CDHR2: variants seen among roughly 807,000 people sequenced by gnomAD.
CDHR2 encodes the protein cadherin related family member 2, also known as cadherin-related family member 2.
In CDHR2, 104 loss-of-function variants were observed where a neutral mutation model predicts 138.6. The observed-to-expected ratio is 0.75, with a 90% CI of 0.64 to 0.88. The LOEUF (loss-of-function observed/expected upper bound fraction) is 0.88, where lower values mean the gene tolerates loss of function less well. Among genes scored for constraint, CDHR2 ranks in the 40% least tolerant of loss-of-function variants. CDHR2 has a pLI of 0.00. For synonymous variants in CDHR2, 755 were observed against 742.8 expected, an observed-to-expected ratio of 1.02 and a Z score of -0.27; for missense variants, 1,624 against 1,727.6, an observed-to-expected ratio of 0.94 and a Z score of 1.06.
At chr5:176,563,405 G>T (rs189050626) in intron 1 of CDHR2, among the ~76,000 whole-genome samples, 33 of 152,158 alleles carry the variant, frequency 2.2e-4, no homozygotes, top group African/African-American at 7.7e-4. Flanking sequence ...GGCTCAGTTC[G>T]TCAGCAGCTG....
intron 1 of CDHR2, among the ~76,000 whole-genome samples, chr5:176,551,651 AG>A (rs1476330255): frequency 3.3e-5 from 5 of 150,602 alleles, no homozygotes; most frequent in Non-Finnish European, 7.4e-5. Flanking sequence ...TTAAAAAATG[AG>A]AACTATTGGT....
Position 176,591,332 on chromosome 5 carries a change from G to A in CDHR2, c.3653+9G>A. ...ATGTACAACACTGAGCGGTGAGCAG[G>A]GGTCAAAGGGTAGGTAAGAGGCCTG... is the stretch of plus-strand genomic sequence containing the variant. On this transcript the variant is annotated intron_variant, in intron 29 of 31. Coordinates refer to ENST00000261944, the MANE Select transcript of CDHR2 (RefSeq NM_017675.6). The A allele has an allele frequency of 1.2e-6, 2 of 1,612,410 alleles. No individual in the cohort carries two copies. The highest frequency in any genetic ancestry group is 1.7e-6 in the Non-Finnish European group (2 of 1,178,464).
At chr5:176,550,381 G>A (rs534549090) in intron 1 of CDHR2, among the ~76,000 whole-genome samples, 2 of 152,242 alleles carry the variant, frequency 1.3e-5, no homozygotes, top group Admixed American at 6.5e-5. Flanking sequence ...GGCCCGTGGC[G>A]GGGAGCTGCG....
Position 176,565,681 on chromosome 5 carries a change from A to T in CDHR2, c.62A>T (p.Asn21Ile). ...LPALVVSVAA[N>I]VAPKFLANMT... ...CACTGTGTCCCTACAGTGGCAGCCAACGTGGCCCCGAAGTTCCTAGCCAAC... is the reference window on the plus strand; with the variant it reads ...CACTGTGTCCCTACAGTGGCAGCCATCGTGGCCCCGAAGTTCCTAGCCAAC... The change falls in exon 3 of 32, where the codon AAC (asparagine) becomes ATC (isoleucine). Residue 21 changes from asparagine to isoleucine, a missense_variant. Coordinates refer to ENST00000261944, the MANE Select transcript of CDHR2 (RefSeq NM_017675.6). 1 of 1,613,784 alleles carries T rather than the reference A, an allele frequency of 6.2e-7. No individual in the cohort carries two copies. The highest frequency in any genetic ancestry group is 8.5e-7 in the Non-Finnish European group (1 of 1,179,828).
At chr5:176,578,158 T>C (rs1347116143) in intron 15 of CDHR2, 63 bp downstream of exon 15, 2 of 1,452,930 alleles carry the variant, frequency 1.4e-6, no homozygotes, top group Non-Finnish European at 1.9e-6. Context: ...CCTCTCTGCC[T>C]CTCTGCAGAG....
intron 5 of CDHR2, among the ~76,000 whole-genome samples, chr5:176,569,716 T>C (rs1758177978): frequency 6.6e-6 from 1 of 152,104 alleles, no homozygotes; most frequent in Non-Finnish European, 1.5e-5. Flanking sequence ...TTTCCCACTT[T>C]GGGAGGCCGA....
At position 176,543,221 on chromosome 5, in the gene CDHR2, C is replaced by G. The variant is rs1757497901; in HGVS notation, c.-16+452C>G. On this transcript the variant is annotated intron_variant, in intron 1 of 31. Transcript: ENST00000510636. This position sits in a 1 kb window ranked among gnomAD's most constrained non-coding sequence, Gnocchi z 4.0. ...TACCGCCGCGTGCTCGCCGGCCCTG[C>G]GCCCGGGGCGCTCGGCGCAGGGTCC... 6.8e-6 allele frequency among the ~76,000 whole-genome samples: 1 copy of G among 147,416 alleles called. No individual in the cohort carries two copies. The highest frequency in any genetic ancestry group is 2.5e-5 in the African/African-American group (1 of 40,780).
chr5:176,590,625 G>A lies in CDHR2; in HGVS notation c.3477G>A (p.Leu1159=). 6.2e-7 allele frequency: 1 copy of A among 1,614,004 alleles called. No homozygotes were observed. The change falls in exon 28 of 32, where the codon TTG becomes TTA. Residue 1159 remains leucine, a synonymous_variant. Coordinates refer to ENST00000261944, the MANE Select transcript of CDHR2 (RefSeq NM_017675.6). The part of the protein sequence containing the change: ...SKQLISVIIG[L]GVALLLVLVI... Reference sequence around the variant, plus strand: ...AGCTCATCAGTGTCATCATAGGATTGGGAGTGGCTTTGCTGCTGGTCCTTG... The same window carrying A: ...AGCTCATCAGTGTCATCATAGGATTAGGAGTGGCTTTGCTGCTGGTCCTTG...
chr5:176,563,677 T>C (rs1432125533), intron 1 of CDHR2, among the ~76,000 whole-genome samples: 1 of 152,092 alleles, frequency 6.6e-6, no homozygotes, highest in Non-Finnish European at 1.5e-5. Context: ...GTGTCGCCTG[T>C]AAAAGAGAAG....
At chr5:176,544,341 C>T (rs773190268) in intron 1 of CDHR2, among the ~76,000 whole-genome samples, 2 of 150,642 alleles carry the variant, frequency 1.3e-5, no homozygotes, top group African/African-American at 2.4e-5. Flanking sequence ...TCCTTCCTTC[C>T]TTTCTTTTTT....
At chr5:176,572,578 G>T (rs1056524853) in intron 6 of CDHR2, among the ~76,000 whole-genome samples, 24 of 152,280 alleles carry the variant, frequency 1.6e-4, no homozygotes, top group African/African-American at 5.8e-4. Flanking sequence ...CATGGGTTGG[G>T]TCTGCATCGT....
At position 176,595,690 on chromosome 5, in the gene CDHR2, C is replaced by G. The variant is rs779047877; in HGVS notation, c.*18C>G. On this transcript the variant is annotated 3_prime_UTR_variant, in exon 32 of 32. Coordinates refer to ENST00000261944, the MANE Select transcript of CDHR2 (RefSeq NM_017675.6). ...ACCTGTGACAGGGGCCCCCACTCTT[C>G]TGGACCCCTTGAAGAGGCCCTACCA... 1.3e-6 allele frequency: 2 copies of G among 1,556,108 alleles called. No homozygotes were observed. Among genetic ancestry groups the G allele is most frequent in the Non-Finnish European group, 1.7e-6 (2 of 1,149,010 alleles).
intron 30 of CDHR2, among the ~76,000 whole-genome samples, chr5:176,592,197 G>T (rs1227238229): frequency 6.8e-6 from 1 of 147,730 alleles, no homozygotes; most frequent in East Asian, 2.1e-4. Context: ...GGTGATGATG[G>T]TGCTGATGGT....
chr5:176,547,722 C>G (rs1379778691), upstream of CDHR2: 1 of 152,240 alleles, frequency 6.6e-6, no homozygotes, highest in African/African-American at 2.4e-5. Flanking sequence ...AGCAGTGCCC[C>G]CAGCTCAAGA....
At chr5:176,582,767 G>A (rs1167073213) in intron 17 of CDHR2, among the ~76,000 whole-genome samples, 7 of 152,168 alleles carry the variant, frequency 4.6e-5, no homozygotes, top group Non-Finnish European at 8.8e-5. Flanking sequence ...GTGAGACAGA[G>A]CAAGACCCTG....
At chr5:176,592,274 ATGG>A (rs1758893059) in intron 30 of CDHR2, among the ~76,000 whole-genome samples, 1 of 92,164 alleles carries the variant, frequency 1.1e-5, no homozygotes, top group Non-Finnish European at 2.2e-5. Flanking sequence ...TGAGGTGATG[ATGG>A]TGGTGATGGT....
chr5:176,589,666 A>G, intron 24 of CDHR2, 50 bp downstream of exon 24: 1 of 1,535,142 alleles, frequency 6.5e-7, no homozygotes, highest in African/African-American at 1.4e-5. Flanking sequence ...AGGGTGTAGG[A>G]GCCTGGTCCC....
At chr5:176,545,276 A>G (rs1200261177), upstream of CDHR2, among the ~76,000 whole-genome samples, 1 of 151,948 alleles carries the variant, frequency 6.6e-6, no homozygotes, top group Non-Finnish European at 1.5e-5. Flanking sequence ...GGTGCACGCC[A>G]CCACGCTGGG....
At chr5:176,574,483 C>T (rs1244887247) in intron 7 of CDHR2, among the ~76,000 whole-genome samples, 2 of 152,170 alleles carry the variant, frequency 1.3e-5, no homozygotes, top group East Asian at 1.9e-4. Context: ...CTGTTGATAG[C>T]GCCATTTACC....
Sources: gnomAD v4.1 joint callset for allele counts (sites outside exome capture counted in the v4.1 genomes callset) on GRCh38, gnomAD v4.1.1 for gene constraint, Gnocchi (gnomAD v3.1) non-coding constraint, MANE v1.5 for transcripts, NCBI Gene and HGNC (gene_info 2026-07-23, HGNC 2026-07-21) for gene names.